Variants in RGS6 observed in about 807,000 individuals in gnomAD.
RGS6 encodes regulator of G-protein signaling 6.
RGS6 carries 30 observed loss-of-function variants against 78.5 expected under a neutral mutation model. That is an observed-to-expected ratio of 0.38 (90% CI 0.29 to 0.52). The LOEUF (loss-of-function observed/expected upper bound fraction) is 0.52. Among genes scored for constraint, RGS6 ranks in the 20% least tolerant of loss-of-function variants. The pLI is 0.85. For missense variants in RGS6, 495 were observed against 609.7 expected, an observed-to-expected ratio of 0.81 and a Z score of 1.98; for synonymous variants, 206 against 206.0, an observed-to-expected ratio of 1.00 and a Z score of 0.00.
the RGS6 span, among the ~76,000 whole-genome samples, chr14:72,595,414 C>G: frequency 6.6e-6 from 1 of 152,224 alleles, no homozygotes; most frequent in African/African-American, 2.4e-5. Context: ...CACCCTGCCT[C>G]TCCAAAGGCA....
intron 2 of RGS6, among the ~76,000 whole-genome samples, chr14:72,082,153 G>T (rs896480379): frequency 1.3e-5 from 2 of 151,930 alleles, no homozygotes; most frequent in Non-Finnish European, 2.9e-5. Flanking sequence ...GGTTCCATAT[G>T]AATTTTAGGA....
intron 2 of RGS6, among the ~76,000 whole-genome samples, chr14:72,108,619 AT>A (rs1246800406): frequency 6.6e-6 from 1 of 151,670 alleles, no homozygotes; most frequent in Non-Finnish European, 1.5e-5. Flanking sequence ...AGTTCTTTTG[AT>A]TTTTTTAAAA....
chr14:71,886,386 C>T, the RGS6 span, among the ~76,000 whole-genome samples: 4 of 152,182 alleles, frequency 2.6e-5, no homozygotes, highest in Non-Finnish European at 5.9e-5. Context: ...GCACATTGCA[C>T]AGTAGGCAAT....
chr14:72,599,393 CTTTTTTTTTT>C, the RGS6 span, among the ~76,000 whole-genome samples: 3 of 78,226 alleles, frequency 3.8e-5, no homozygotes, highest in East Asian at 3.6e-4. Context: ...CTTTTCTTTC[CTTTTTTTTTT>C]TTTTTTTTTT....
chr14:72,462,386 C>G (rs1222299721), intron 6 of RGS6, among the ~76,000 whole-genome samples: 1 of 152,178 alleles, frequency 6.6e-6, no homozygotes. Context: ...TTTGGGGAAG[C>G]TATTGTGGGT....
chr14:72,385,921 A>G (rs762254132), intron 3 of RGS6, among the ~76,000 whole-genome samples: 16 of 152,200 alleles, frequency 1.1e-4, no homozygotes, highest in Non-Finnish European at 2.4e-4. Context: ...CTAATATCAC[A>G]TGTTGACCTT....
chr14:72,004,836 A>C (rs920931739), intron 2 of RGS6, among the ~76,000 whole-genome samples: 1 of 151,628 alleles, frequency 6.6e-6, no homozygotes, highest in Non-Finnish European at 1.5e-5. Context: ...AAAGTAAATA[A>C]ATAAATAAAT....
At chr14:72,482,092 G>A (rs934520829) in intron 12 of RGS6, among the ~76,000 whole-genome samples, 5 of 152,206 alleles carry the variant, frequency 3.3e-5, no homozygotes, top group Admixed American at 6.5e-5. Context: ...TTACAGGCAT[G>A]AGCCACCGCT....
intron 2 of RGS6, among the ~76,000 whole-genome samples, chr14:72,338,781 C>G (rs1481893542): frequency 1.3e-5 from 2 of 152,150 alleles, no homozygotes; most frequent in African/African-American, 4.8e-5. Context: ...AAAAGAAGGT[C>G]TATCACATGC....
At chr14:72,206,795 G>A (rs1242454591) in intron 2 of RGS6, among the ~76,000 whole-genome samples, 1 of 152,246 alleles carries the variant, frequency 6.6e-6, no homozygotes, top group South Asian at 2.1e-4. Flanking sequence ...CTTGGGAATT[G>A]TAGGAGTTAC....
intron 3 of RGS6, among the ~76,000 whole-genome samples, chr14:72,438,109 C>T (rs530808488): frequency 6.6e-6 from 1 of 152,194 alleles, no homozygotes; most frequent in African/African-American, 2.4e-5. Context: ...GTGGAGGGTT[C>T]AGCTGTTGGA....
intron 3 of RGS6, among the ~76,000 whole-genome samples, chr14:72,444,632 G>C (rs1267340273): frequency 6.6e-6 from 1 of 152,168 alleles, no homozygotes; most frequent in Non-Finnish European, 1.5e-5. Flanking sequence ...AAAATATCAG[G>C]AGAAACCTGA....
At chr14:71,983,672 G>T (rs1193768470) in intron 2 of RGS6, among the ~76,000 whole-genome samples, 1 of 152,140 alleles carries the variant, frequency 6.6e-6, no homozygotes, top group Non-Finnish European at 1.5e-5. Context: ...GCCTACCTCT[G>T]TGTTTCACAT....
At chr14:72,182,564 C>T (rs1029084887) in intron 2 of RGS6, among the ~76,000 whole-genome samples, 4 of 152,122 alleles carry the variant, frequency 2.6e-5, no homozygotes, top group African/African-American at 9.7e-5. Flanking sequence ...TTTTAATTCC[C>T]TGAGAGAGAG....
intron 13 of RGS6, among the ~76,000 whole-genome samples, chr14:72,500,519 G>A (rs776123968): frequency 4.6e-5 from 7 of 152,240 alleles, no homozygotes; most frequent in Non-Finnish European, 8.8e-5. Context: ...CATTTGTATA[G>A]TAGTCAACTA....
chr14:72,007,430 T>C (rs2084785169), intron 2 of RGS6, among the ~76,000 whole-genome samples: 1 of 152,222 alleles, frequency 6.6e-6, no homozygotes, highest in Non-Finnish European at 1.5e-5. Context: ...GAATACTGTT[T>C]AGTCAGAAAA....
At chr14:71,881,364 T>C in the RGS6 span, among the ~76,000 whole-genome samples, 2 of 152,090 alleles carry the variant, frequency 1.3e-5, no homozygotes, top group Non-Finnish European at 2.9e-5. Context: ...GAACATGAGA[T>C]TTGGGAGGGG....
At chr14:72,324,004 A>G (rs553653484) in intron 2 of RGS6, among the ~76,000 whole-genome samples, 1 of 152,150 alleles carries the variant, frequency 6.6e-6, no homozygotes, top group South Asian at 2.1e-4. Context: ...TAGAGTATCC[A>G]TCACTTCAAG....
chr14:71,874,790 A>T, the RGS6 span, among the ~76,000 whole-genome samples: 2 of 152,168 alleles, frequency 1.3e-5, no homozygotes, highest in Admixed American at 6.5e-5. Flanking sequence ...TGTCATAAAT[A>T]GCTCTTATTA....
Sources: allele counts gnomAD v4.1 joint callset (sites outside exome capture counted in the v4.1 genomes callset), GRCh38; gene constraint gnomAD v4.1.1; transcripts MANE v1.5; gene names NCBI Gene and HGNC (gene_info 2026-07-23, HGNC 2026-07-21).